Variants in IQCH observed in about 807,000 individuals in gnomAD.
IQCH encodes IQ motif containing H, also known as IQ domain-containing protein H.
A neutral mutation model predicts 117.0 loss-of-function variants in IQCH; 98 were observed. That is an observed-to-expected ratio of 0.84 (90% CI 0.71 to 0.99). The LOEUF (loss-of-function observed/expected upper bound fraction) is 0.99. Among genes scored for constraint, IQCH ranks in the 50% least tolerant of loss-of-function variants. The probability of loss-of-function intolerance (pLI) is 0.00; values close to 1 mark genes in which losing one functional copy is unlikely to be tolerated. For synonymous variants in IQCH, 412 were observed against 448.2 expected (o/e 0.92, Z 1.02); for missense variants, 1,102 against 1,243.8 (o/e 0.89, Z 1.72).
Position 67,385,129 on chromosome 15 carries a change from G to T in IQCH, c.1456+110G>T. The T allele has an allele frequency of 1.6e-6, 1 of 636,278 alleles. No individual in the cohort carries two copies. Among genetic ancestry groups the T allele is most frequent in the Non-Finnish European group, 2.7e-6 (1 of 363,974 alleles). The allele number at this position is 636,278 out of a possible 1,614,324, so 39.4% of individuals were successfully genotyped here. A position where few individuals can be genotyped will look rare whatever the true frequency, so the allele number is the denominator to read the frequency against. ...TTTTGCTTATTTTTTTCCTCTACAA[G>T]GAAAAAGCTCAGATGTTTAATCTAC... On this transcript the variant is annotated intron_variant, in intron 11 of 20. Coordinates refer to ENST00000335894, the MANE Select transcript of IQCH (RefSeq NM_001031715.3). The surrounding 1 kb of genome is among the most constrained non-coding windows in gnomAD (Gnocchi z 4.6).
intron 4 of IQCH, among the ~76,000 whole-genome samples, chr15:67,322,263 C>T (rs955725117): frequency 6.6e-6 from 1 of 152,094 alleles, no homozygotes; most frequent in African/African-American, 2.4e-5. Flanking sequence ...TCTCATAGTT[C>T]TTTTTGTCTT....
chr15:67,359,531 C>T lies in IQCH; in HGVS notation c.715-316C>T, dbSNP rs1970044153. ...GAGCCAGTACAGACCTTTGATCAGA[C>T]ACCACCACAAAGCAGTGTGGTGCCA... is the stretch of plus-strand genomic sequence containing the variant. On this transcript the variant is annotated intron_variant, in intron 7 of 20. Coordinates refer to ENST00000335894, the MANE Select transcript of IQCH (RefSeq NM_001031715.3). The surrounding 1 kb of genome is among the most constrained non-coding windows in gnomAD (Gnocchi z 4.5). 6.6e-6 allele frequency among the ~76,000 whole-genome samples: 1 copy of T among 152,236 alleles called. No homozygotes were observed. The highest frequency in any genetic ancestry group is 6.5e-5 in the Admixed American group (1 of 15,286).
chr15:67,474,067 A>AGTGTGTGTGT lies in IQCH; in HGVS notation c.2677-1601_2677-1592dup, dbSNP rs36050088. On this transcript the variant is annotated intron_variant, in intron 17 of 20. Transcript: ENST00000335894. The surrounding 1 kb of genome is among the most constrained non-coding windows in gnomAD (Gnocchi z 4.1). ...GTCACCAAAAGTGCCACGAAATCTG[A>AGTGTGTGTGT]GTGTGTGTGTGTGTGTGTGTGTGTG... Among the ~76,000 whole-genome samples the AGTGTGTGTGT allele has an allele frequency of 0.04, 5,597 of 138,242 alleles. 132 individuals carry two copies. The highest frequency in any genetic ancestry group is 0.078 in the Admixed American group (1,088 of 13,914). 90.7% of individuals were successfully genotyped at this position (138,242 alleles called of 152,430 possible).
chr15:67,317,963 G>A (rs1967929262), intron 4 of IQCH, among the ~76,000 whole-genome samples: 1 of 152,046 alleles, frequency 6.6e-6, no homozygotes, highest in South Asian at 2.1e-4. Context: ...GTGAACCCAA[G>A]GCCCAGGTAG....
In IQCH at chr15:67,370,877, G is replaced by A. The variant is rs890828609; in HGVS notation, c.754-1234G>A. On this transcript the variant is annotated intron_variant, in intron 8 of 20. Coordinates refer to ENST00000335894, the MANE Select transcript of IQCH (RefSeq NM_001031715.3). This position sits in a 1 kb window ranked among gnomAD's most constrained non-coding sequence, Gnocchi z 5.6. ...GTCTAATTAATTATTGTGCGGCCCA[G>A]GACCGGAGAAAAGAAAACGCGTGAA... 6.6e-6 allele frequency among the ~76,000 whole-genome samples: 1 copy of A among 151,884 alleles called. No homozygotes were observed. The highest frequency in any genetic ancestry group is 2.4e-5 in the African/African-American group (1 of 41,318).
At position 67,473,873 on chromosome 15, in the gene IQCH, C is replaced by T. The variant is rs180773392; in HGVS notation, c.2677-1823C>T. 4.1e-3 allele frequency among the ~76,000 whole-genome samples: 604 copies of T among 146,034 alleles called. 7 individuals carry two copies. The highest frequency in any genetic ancestry group is 0.015 in the African/African-American group (537 of 35,940). On this transcript the variant is annotated intron_variant, in intron 17 of 20. Transcript: ENST00000335894. This position sits in a 1 kb window ranked among gnomAD's most constrained non-coding sequence, Gnocchi z 4.9. Reference sequence around the variant, plus strand: ...GACGCTACAAGTGGGGTAAACAACTCAAGATGTATTAGCCTGTGGGGGCCT... The same window carrying T: ...GACGCTACAAGTGGGGTAAACAACTTAAGATGTATTAGCCTGTGGGGGCCT...
chr15:67,421,855 T>A (rs1019063747), intron 16 of IQCH, among the ~76,000 whole-genome samples: 1 of 152,130 alleles, frequency 6.6e-6, no homozygotes, highest in African/African-American at 2.4e-5. Flanking sequence ...TCCCAGCACT[T>A]TGGGAGGCCG....
chr15:67,412,495 T>C (rs2081475478), intron 14 of IQCH, among the ~76,000 whole-genome samples: 1 of 152,028 alleles, frequency 6.6e-6, no homozygotes, highest in South Asian at 2.1e-4. Flanking sequence ...CTCTAACCCC[T>C]GCCTCCTGGA....
intron 3 of IQCH, among the ~76,000 whole-genome samples, chr15:67,270,479 A>T (rs1401481503): frequency 6.6e-6 from 1 of 152,192 alleles, no homozygotes. Flanking sequence ...TTGAAAGTTG[A>T]TCCCCAATGT....
In IQCH at chr15:67,408,209, A is replaced by G. The variant is rs973651695; in HGVS notation, c.2097+7904A>G. 3 of 152,284 alleles carry G rather than the reference A, an allele frequency of 2.0e-5. No homozygotes were observed. Among genetic ancestry groups the G allele is most frequent in the Admixed American group, 2.0e-4 (3 of 15,282 alleles). The allele number at this position is 152,284 out of a possible 1,614,324, so 9.4% of individuals were successfully genotyped here. On this transcript the variant is annotated intron_variant, in intron 14 of 20. Coordinates refer to ENST00000335894, the MANE Select transcript of IQCH (RefSeq NM_001031715.3). The surrounding 1 kb of genome is among the most constrained non-coding windows in gnomAD (Gnocchi z 4.2). ...TTGGTTAGTGTTCTCACATCCAGGA[A>G]GTCCCTGTTGGAGGTCTTTTGGAAA...
intron 18 of IQCH, among the ~76,000 whole-genome samples, chr15:67,489,153 C>A (rs1015824087): frequency 2.6e-5 from 4 of 151,416 alleles, no homozygotes; most frequent in Admixed American, 2.6e-4. Context: ...CCTGCCTCAG[C>A]CTCCCCAGTA....
chr15:67,269,022 T>TAAA (rs34421114), intron 3 of IQCH, among the ~76,000 whole-genome samples: 1 of 138,670 alleles, frequency 7.2e-6, no homozygotes, highest in Non-Finnish European at 1.6e-5. Context: ...GTACACTTGC[T>TAAA]AAAAAAAAAA....
chr15:67,413,783 C>T lies in IQCH; in HGVS notation c.2098-3148C>T, dbSNP rs1478137955. Among the ~76,000 whole-genome samples, 1 of 152,196 alleles carries T rather than the reference C, an allele frequency of 6.6e-6. No homozygotes were observed. Among genetic ancestry groups the T allele is most frequent in the East Asian group, 1.9e-4 (1 of 5,196 alleles). ...AATGTCACCCCGCCAGTGCCTTCAG[C>T]TGTGTACCTCTCATGGTAGGACACG... On this transcript the variant is annotated intron_variant, in intron 14 of 20. Transcript: ENST00000335894. This position sits in a 1 kb window ranked among gnomAD's most constrained non-coding sequence, Gnocchi z 5.0.
rs1000386177 is a variant in IQCH at position 67,496,267 on chromosome 15, G to T, written c.2970+1901G>T. On this transcript the variant is annotated intron_variant, in intron 20 of 20. Transcript: ENST00000335894. The surrounding 1 kb of genome is among the most constrained non-coding windows in gnomAD (Gnocchi z 4.4). ...GGGAGGTTGAGGCTGCAGTGAGTCT[G>T]GGTGATGGGAGTAAGAATAAAAAAA... Among the ~76,000 whole-genome samples, 8 of 152,032 alleles carry T rather than the reference G, an allele frequency of 5.3e-5. No individual in the cohort carries two copies. The highest frequency in any genetic ancestry group is 3.2e-3 in the Middle Eastern group (1 of 314).
At chr15:67,434,989 T>G (rs369146836) in intron 16 of IQCH, among the ~76,000 whole-genome samples, 1 of 11,830 alleles carries the variant, frequency 8.5e-5, no homozygotes. Context: ...GTATCTTTGT[T>G]TTTTTTTTAA....
intron 1 of IQCH, among the ~76,000 whole-genome samples, chr15:67,256,303 C>T (rs1965196585): frequency 6.6e-6 from 1 of 152,182 alleles, no homozygotes; most frequent in Non-Finnish European, 1.5e-5. Context: ...TGACAATATG[C>T]ATAGAATATT....
intron 16 of IQCH, among the ~76,000 whole-genome samples, chr15:67,450,798 G>A (rs2140989202): frequency 6.6e-6 from 1 of 152,316 alleles, no homozygotes; most frequent in East Asian, 1.9e-4. Flanking sequence ...AGAAGGAATG[G>A]TACCAGCTCC....
rs1392025561 is a variant in IQCH at position 67,463,039 on chromosome 15, C to T, written c.2506-2088C>T. Among the ~76,000 whole-genome samples, 2 of 152,182 alleles carry T rather than the reference C, an allele frequency of 1.3e-5. No individual in the cohort carries two copies. Among genetic ancestry groups the T allele is most frequent in the Admixed American group, 6.5e-5 (1 of 15,268 alleles). ...AAATTAGCTTTAGTTTAGCAAGGGG[C>T]CTTGACAGCTTGACCTCTTAATATC... On this transcript the variant is annotated intron_variant, in intron 16 of 20. Coordinates refer to ENST00000335894, the MANE Select transcript of IQCH (RefSeq NM_001031715.3). This position sits in a 1 kb window ranked among gnomAD's most constrained non-coding sequence, Gnocchi z 4.0.
At chr15:67,439,497 G>T (rs555306357) in intron 16 of IQCH, among the ~76,000 whole-genome samples, 149 of 152,156 alleles carry the variant, frequency 9.8e-4, no homozygotes, top group African/African-American at 3.4e-3. Flanking sequence ...ACCTCAAGGA[G>T]CTAGAGACAC....
Sources: allele counts gnomAD v4.1 joint callset (sites outside exome capture counted in the v4.1 genomes callset), GRCh38; gene constraint gnomAD v4.1.1; non-coding constraint Gnocchi (gnomAD v3.1); transcripts MANE v1.5; gene names NCBI Gene and HGNC (gene_info 2026-07-23, HGNC 2026-07-21).